The following CSMD1 variants were observed in gnomAD, a reference collection of about 807,000 sequenced individuals.
CSMD1 encodes CUB and Sushi multiple domains 1.
In CSMD1, 213 loss-of-function variants were observed where a neutral mutation model predicts 417.5. The ratio of observed to expected loss-of-function variants is 0.51; its 90% CI spans 0.46 to 0.57. The LOEUF (loss-of-function observed/expected upper bound fraction) is 0.57, where lower values mean the gene tolerates loss of function less well. Ranked by LOEUF, CSMD1 falls within the 20% of genes least tolerant of loss-of-function variation. The pLI, the probability that CSMD1 is intolerant of heterozygous loss-of-function variation, is 0.00. For missense variants in CSMD1, 6,923 were observed against 4,529.7 expected (o/e 1.53, Z -15.17); for synonymous variants, 2,862 against 1,736.8 (o/e 1.65, Z -16.11).
chr8:4,777,519 T>C (rs1043995426), intron 1 of CSMD1, among the ~76,000 whole-genome samples: 14 of 152,302 alleles, frequency 9.2e-5, no homozygotes, highest in African/African-American at 3.1e-4. Context: ...AGTGTATACC[T>C]GAAACATAAC....
chr8:4,430,578 T>G (rs1478173720), intron 2 of CSMD1, among the ~76,000 whole-genome samples: 3 of 152,146 alleles, frequency 2.0e-5, no homozygotes, highest in East Asian at 3.9e-4. Flanking sequence ...GAAAATAAAT[T>G]TTCCCCAAAT....
intron 3 of CSMD1, among the ~76,000 whole-genome samples, chr8:4,211,070 G>T (rs969946218): frequency 6.6e-6 from 1 of 152,108 alleles, no homozygotes; most frequent in Non-Finnish European, 1.5e-5. Flanking sequence ...AGAAATTCAT[G>T]TTCACATATC....
At chr8:3,407,277 G>A (rs1359002885) in intron 14 of CSMD1, among the ~76,000 whole-genome samples, 1 of 151,890 alleles carries the variant, frequency 6.6e-6, no homozygotes, top group Non-Finnish European at 1.5e-5. Context: ...ATTGATAGAT[G>A]GATGGAAGGA....
At chr8:3,123,433 A>G (rs1817319940) in intron 41 of CSMD1, among the ~76,000 whole-genome samples, 1 of 152,242 alleles carries the variant, frequency 6.6e-6, no homozygotes, top group Non-Finnish European at 1.5e-5. Context: ...CTCACAAAAA[A>G]GAATGAATAA....
In CSMD1 at chr8:3,116,852, TC is replaced by T. The variant is rs1816904895; in HGVS notation, c.6430+1546del. ...AGAAGAGGTTTCAATCCTGATAATT[TC>T]AAAAGAATTTATACATATATATGAG... On this transcript the variant is annotated intron_variant, in intron 42 of 69. Transcript: ENST00000635120. Among the ~76,000 whole-genome samples the T allele has an allele frequency of 2.0e-5, 3 of 152,042 alleles. No individual in the cohort carries two copies. The South Asian group carries it at 6.2e-4, about 31-fold the overall frequency.
At chr8:4,697,049 G>C (rs943443380) in intron 1 of CSMD1, among the ~76,000 whole-genome samples, 4 of 152,128 alleles carry the variant, frequency 2.6e-5, no homozygotes, top group Non-Finnish European at 5.9e-5. Flanking sequence ...GTGCGTGCCT[G>C]TAATCCCAGC....
At chr8:3,989,706 A>T (rs1814601506) in intron 5 of CSMD1, among the ~76,000 whole-genome samples, 1 of 152,250 alleles carries the variant, frequency 6.6e-6, no homozygotes, top group Admixed American at 6.5e-5. Context: ...TCGAATCAGA[A>T]GAACTTAGAT....
At chr8:3,780,630 C>G (rs1274328111) in intron 5 of CSMD1, among the ~76,000 whole-genome samples, 2 of 152,182 alleles carry the variant, frequency 1.3e-5, no homozygotes, top group Admixed American at 6.5e-5. Context: ...TGGGCCTGCT[C>G]CCAGCTCCTG....
chr8:3,701,198 C>G (rs769208903), intron 7 of CSMD1, among the ~76,000 whole-genome samples: 2 of 152,010 alleles, frequency 1.3e-5, no homozygotes, highest in South Asian at 2.1e-4. Flanking sequence ...AGTTCTGGCC[C>G]GTAGAAGAGA....
At chr8:3,004,238 G>A (rs969895993) in intron 52 of CSMD1, among the ~76,000 whole-genome samples, 1 of 152,178 alleles carries the variant, frequency 6.6e-6, no homozygotes, top group Admixed American at 6.5e-5. Flanking sequence ...TGATTTTGCA[G>A]ACTTTGTTTA....
At chr8:4,821,629 A>C (rs961131388) in intron 1 of CSMD1, among the ~76,000 whole-genome samples, 1 of 152,094 alleles carries the variant, frequency 6.6e-6, no homozygotes, top group East Asian at 1.9e-4. Context: ...AAAATAGGGA[A>C]GTTTACTTCA....
rs187209444 is a variant in CSMD1, at chr8:4,049,846, T to C, written c.416-17747A>G. Among the ~76,000 whole-genome samples the C allele has an allele frequency of 7.8e-3, 1,190 of 152,306 alleles. 19 individuals are homozygous for C. The highest frequency in any genetic ancestry group is 0.027 in the African/African-American group (1,140 of 41,572). On this transcript the variant is annotated intron_variant, in intron 3 of 69. Transcript: ENST00000635120. ...ACAATCAGTGACCAATATTGGCATA[T>C]TCTTCTTCACTAAAGTCTTATTGAA...
At chr8:3,215,609 A>G (rs191268185) in intron 29 of CSMD1, among the ~76,000 whole-genome samples, 2 of 152,222 alleles carry the variant, frequency 1.3e-5, no homozygotes, top group Non-Finnish European at 2.9e-5. Flanking sequence ...TCTTCTTCCC[A>G]AGTAAAAATA....
rs539871997 is a variant in CSMD1, at chr8:3,424,024, C to T, written c.1562-14419G>A. On this transcript the variant is annotated intron_variant, in intron 12 of 69. Coordinates refer to ENST00000635120, the MANE Select transcript of CSMD1 (RefSeq NM_033225.6). Reference sequence around the variant, plus strand: ...AAAAAGTGGTCTCTCCAAGCTCTTCCGTACCATTTTAAAAAAATTTACCTC... The same window carrying T: ...AAAAAGTGGTCTCTCCAAGCTCTTCTGTACCATTTTAAAAAAATTTACCTC... 2.2e-3 allele frequency among the ~76,000 whole-genome samples: 336 copies of T among 152,236 alleles called. 1 individual carries two copies. Among genetic ancestry groups the T allele is most frequent in the Non-Finnish European group, 3.8e-3 (260 of 68,018 alleles).
chr8:4,888,164 G>C (rs986621040), intron 1 of CSMD1, among the ~76,000 whole-genome samples: 3 of 151,590 alleles, frequency 2.0e-5, no homozygotes, highest in African/African-American at 7.3e-5. Context: ...TGAATAAATT[G>C]ATACATTGGT....
At chr8:3,154,572 A>G (rs749761643) in intron 39 of CSMD1, among the ~76,000 whole-genome samples, 9 of 152,148 alleles carry the variant, frequency 5.9e-5, no homozygotes, top group African/African-American at 9.7e-5. Flanking sequence ...CAGAATTTTT[A>G]CTGAAGGACA....
chr8:3,611,293 G>C (rs11784215), intron 8 of CSMD1, among the ~76,000 whole-genome samples: 1 of 151,810 alleles, frequency 6.6e-6, no homozygotes, highest in Non-Finnish European at 1.5e-5. Context: ...GAAAATGATT[G>C]TTTTAATAAA....
At chr8:3,824,076 A>G (rs185008923) in intron 5 of CSMD1, among the ~76,000 whole-genome samples, 324 of 152,272 alleles carry the variant, frequency 2.1e-3, no homozygotes, top group African/African-American at 7.5e-3. Context: ...TGATTTGTAG[A>G]AAACAAAAAT....
chr8:2,961,605 G>C (rs10216728), intron 61 of CSMD1, among the ~76,000 whole-genome samples: 1 of 151,906 alleles, frequency 6.6e-6, no homozygotes, highest in South Asian at 2.1e-4. Flanking sequence ...ACATTATTCT[G>C]AGTTTCTTTA....
Sources: allele counts gnomAD v4.1 joint callset (sites outside exome capture counted in the v4.1 genomes callset), GRCh38; gene constraint gnomAD v4.1.1; transcripts MANE v1.5; gene names NCBI Gene and HGNC (gene_info 2026-07-23, HGNC 2026-07-21).